The following LRP1 variants were observed in gnomAD, a reference collection of about 807,000 sequenced individuals.
The protein encoded by LRP1 is prolow-density lipoprotein receptor-related protein 1.
A neutral mutation model predicts 541.5 loss-of-function variants in LRP1; 51 were observed. The ratio of observed to expected loss-of-function variants is 0.09; its 90% CI spans 0.08 to 0.12. LRP1 has a LOEUF of 0.12. Ranked by LOEUF, LRP1 falls within the 10% of genes least tolerant of loss-of-function variation. The pLI is 1.00. For synonymous variants in LRP1, 2,219 were observed against 2,470.8 expected, an observed-to-expected ratio of 0.90 and a Z score of 3.02; for missense variants, 3,878 against 6,376.2, an observed-to-expected ratio of 0.61 and a Z score of 13.34.
chr12:57,211,593 G>GT lies in LRP1; in HGVS notation c.13193+7dup. ...CAAAATGATGCCTGAGTGCCAGTGA[G>GT]TTGGGCCCGGGCTTCACCCAGGCAT... On this transcript the variant is annotated splice_donor_region_variant and intron_variant, in intron 85 of 88. Coordinates refer to ENST00000243077, the MANE Select transcript of LRP1 (RefSeq NM_002332.3). This position sits in a 1 kb window ranked among gnomAD's most constrained non-coding sequence, Gnocchi z 4.3. 1 of 1,613,914 alleles carries GT rather than the reference G, an allele frequency of 6.2e-7. No individual in the cohort carries two copies. Among genetic ancestry groups the GT allele is most frequent in the Non-Finnish European group, 8.5e-7 (1 of 1,179,852 alleles).
At chr12:57,210,938 C>A (rs879567120) in intron 83 of LRP1, 59 bp downstream of exon 83, 70 of 1,563,958 alleles carry the variant, frequency 4.5e-5, no homozygotes, top group Non-Finnish European at 5.7e-5. Context: ...GACCCCAGAG[C>A]ATGGGGTGAT....
chr12:57,187,374 C>T lies in LRP1; in HGVS notation c.6949C>T (p.Pro2317Ser). 1.1e-5 allele frequency: 17 copies of T among 1,614,206 alleles called. No individual in the cohort carries two copies. Among genetic ancestry groups the T allele is most frequent in the Non-Finnish European group, 1.4e-5 (17 of 1,180,036 alleles). ...GCGCCACACAGTGGACCAGACCCGC[C>T]CAGGGGCCTTCGAGCGTGAGACCGT... Reference protein sequence around the residue: ...ITRHTVDQTRPGAFERETVIT... With the variant: ...ITRHTVDQTRSGAFERETVIT... Residue 2317 changes from proline to serine, a missense_variant, in exon 42 of 89, where the codon CCA becomes TCA. Pro to Ser is a moderately conservative substitution (Grantham distance 74). Transcript: ENST00000243077.
rs2035766029 is a variant in LRP1 at position 57,162,923 on chromosome 12, A to G, written c.2470A>G (p.Ser824Gly). Residue 824 changes from serine (S) to glycine (G), a missense_variant, in exon 15 of 89, where the codon AGC (serine) becomes GGC (glycine). Ser to Gly is a moderately conservative substitution (Grantham distance 56). This residue lies in a region of LRP1 where 496 missense variants were observed against 861.0 expected (regional missense o/e 0.58). Coordinates refer to ENST00000243077, the MANE Select transcript of LRP1 (RefSeq NM_002332.3). The surrounding 1 kb of genome is among the most constrained non-coding windows in gnomAD (Gnocchi z 5.2). ...CAGCCTGTGCTTGGCCACCCCTGGG[A>G]GCCGCCAGTGCGCCTGTGCTGAGGA... Reference protein sequence around the residue: ...CSSLCLATPGSRQCACAEDQV... With the variant: ...CSSLCLATPGGRQCACAEDQV... 1 of 1,609,082 alleles carries G rather than the reference A, an allele frequency of 6.2e-7. No homozygotes were observed. The highest frequency in any genetic ancestry group is 8.5e-7 in the Non-Finnish European group (1 of 1,178,958).
chr12:57,134,953 C>G (rs2136651070), intron 1 of LRP1, among the ~76,000 whole-genome samples: 1 of 152,330 alleles, frequency 6.6e-6, no homozygotes, highest in Admixed American at 6.5e-5. Flanking sequence ...GATCTGCCTG[C>G]TTCGGCCTCC....
chr12:57,148,912 T>C, intron 6 of LRP1: 1 of 556,788 alleles, frequency 1.8e-6, no homozygotes, highest in East Asian at 3.2e-5. Context: ...GCGAAATGGG[T>C]CCCAGGTCCA....
intron 6 of LRP1, chr12:57,149,643 G>A (rs776720380): frequency 2.8e-6 from 2 of 716,460 alleles, no homozygotes; most frequent in Non-Finnish European, 2.5e-6. Context: ...CCAGGCAGGG[G>A]AAGGTAGCAG....
intron 44 of LRP1, 98 bp downstream of exon 44, chr12:57,191,610 C>A: frequency 9.7e-7 from 1 of 1,026,522 alleles, no homozygotes; most frequent in Non-Finnish European, 1.4e-6. Context: ...CCACACGCAC[C>A]CTACACATAC....
In LRP1 at chr12:57,212,724, G is replaced by C; in HGVS notation, c.*169G>C. ...GCGAGCAAGCCGGCAAGCGAGCACA[G>C]TATTATTTCTCCATCCCCTCCCTGC... On this transcript the variant is annotated 3_prime_UTR_variant, in exon 89 of 89. Coordinates refer to ENST00000243077, the MANE Select transcript of LRP1 (RefSeq NM_002332.3). This position sits in a 1 kb window ranked among gnomAD's most constrained non-coding sequence, Gnocchi z 5.0. 4.2e-6 allele frequency: 3 copies of C among 721,682 alleles called. No homozygotes were observed. The South Asian group carries it at 6.0e-5, about 14-fold the overall frequency. 44.7% of individuals were successfully genotyped at this position (721,682 alleles called of 1,614,324 possible). A position where few individuals can be genotyped will look rare whatever the true frequency, so the allele number is the denominator to read the frequency against.
At chr12:57,149,846 C>T (rs941180782) in intron 6 of LRP1, 8 of 683,358 alleles carry the variant, frequency 1.2e-5, no homozygotes, top group Non-Finnish European at 1.9e-5. Context: ...GTCTCCTTCC[C>T]ACCTTCGAAG....
intron 44 of LRP1, among the ~76,000 whole-genome samples, chr12:57,192,044 ACACACACCACACAGCACACACACACAC>A (rs2036421017): frequency 6.8e-6 from 1 of 146,414 alleles, no homozygotes; most frequent in African/African-American, 2.5e-5. Flanking sequence ...CACACATCAC[ACACACACCACACAGCACACACACACAC>A]CACACACCAC....
chr12:57,205,346 C>A lies in LRP1; in HGVS notation c.11336-5C>A. The A allele has an allele frequency of 1.2e-6, 2 of 1,601,394 alleles. No individual in the cohort carries two copies. Among genetic ancestry groups the A allele is most frequent in the South Asian group, 1.1e-5 (1 of 89,912 alleles). On this transcript the variant is annotated splice_region_variant and splice_polypyrimidine_tract_variant and intron_variant, in intron 73 of 88. Transcript: ENST00000243077. The surrounding 1 kb of genome is among the most constrained non-coding windows in gnomAD (Gnocchi z 4.6). ...GGGAGGGCATCCACTCTCTGTCCCCCACAGACCCCAAGCTGACCAGCTGCG... is the reference window on the plus strand; with the variant it reads ...GGGAGGGCATCCACTCTCTGTCCCCAACAGACCCCAAGCTGACCAGCTGCG...
rs2036690406 is a variant in LRP1 at position 57,203,100 on chromosome 12, T to C, written c.10712-81T>C. On this transcript the variant is annotated intron_variant, in intron 68 of 88. Transcript: ENST00000243077. ...CCTTCAGAGACACGGGGATGGGCCT[T>C]GGGCTCGGGACTGTGGCACTACTGA... 7 of 1,049,008 alleles carry C rather than the reference T, an allele frequency of 6.7e-6. No homozygotes were observed. In the Admixed American group the frequency reaches 1.8e-4, roughly 27 times the overall value. The allele number at this position is 1,049,008 out of a possible 1,614,324, so 65.0% of individuals were successfully genotyped here.
chr12:57,166,711 C>G (rs1377546225), intron 17 of LRP1, among the ~76,000 whole-genome samples: 1 of 152,120 alleles, frequency 6.6e-6, no homozygotes, highest in Non-Finnish European at 1.5e-5. Context: ...AGAGGAGGAA[C>G]AAGGCAGGGT....
At position 57,143,742 on chromosome 12, in the gene LRP1, C is replaced by T; in HGVS notation, c.392C>T (p.Pro131Leu). Residue 131 changes from proline to leucine, a missense_variant, in exon 4 of 89, where the codon CCC becomes CTC. Physicochemically the swap from Pro to Leu is moderately conservative, Grantham distance 98 (BLOSUM62 -3). Transcript: ENST00000243077. Reference sequence around the variant, plus strand: ...CATTGTGTCCCCACACTCGATGGGCCCACCTGCTACTGCAACAGCAGCTTT... The same window carrying T: ...CATTGTGTCCCCACACTCGATGGGCTCACCTGCTACTGCAACAGCAGCTTT... ...QHHCVPTLDG[P>L]TCYCNSSFQL... The T allele has an allele frequency of 6.2e-7, 1 of 1,614,162 alleles. No individual in the cohort carries two copies. Among genetic ancestry groups the T allele is most frequent in the South Asian group, 1.1e-5 (1 of 91,080 alleles).
In LRP1 at chr12:57,189,979, C is replaced by G. The variant is rs529340966; in HGVS notation, c.7032-826C>G. On this transcript the variant is annotated intron_variant, in intron 42 of 88. Coordinates refer to ENST00000243077, the MANE Select transcript of LRP1 (RefSeq NM_002332.3). This position sits in a 1 kb window ranked among gnomAD's most constrained non-coding sequence, Gnocchi z 4.4. ...CAGCCCTGAGGCCTTCCACAGCCCC[C>G]CTCCAGCCTCAGCACCACCCCACAA... is the stretch of plus-strand genomic sequence containing the variant. Among the ~76,000 whole-genome samples the G allele has an allele frequency of 1.3e-5, 2 of 152,290 alleles. No individual in the cohort carries two copies. The highest frequency in any genetic ancestry group is 4.1e-4 in the South Asian group (2 of 4,822).
Position 57,185,571 on chromosome 12 carries a change from G to T in LRP1, c.6504G>T (p.Gln2168His). 2 of 1,596,254 alleles carry T rather than the reference G, an allele frequency of 1.3e-6. No individual in the cohort carries two copies. Among genetic ancestry groups the T allele is most frequent in the Non-Finnish European group, 1.7e-6 (2 of 1,171,448 alleles). Reference protein sequence around the residue: ...VCAVANGGCQQLCLYRGRGQR... With the variant: ...VCAVANGGCQHLCLYRGRGQR... ...CGGTGGCCAATGGCGGGTGCCAGCA[G>T]CTGTGCCTGTACCGGGGCCGTGGGC... Residue 2168 changes from glutamine to histidine, a missense_variant, in exon 41 of 89, where the codon CAG becomes CAT. Gln to His is a conservative substitution (Grantham distance 24). Around this residue, in one of 13 missense-constraint regions of LRP1, gnomAD observed 1,100 missense variants for 1,827.4 expected, o/e 0.60. Transcript: ENST00000243077. The surrounding 1 kb of genome is among the most constrained non-coding windows in gnomAD (Gnocchi z 4.9).
chr12:57,176,057 C>G lies in LRP1; in HGVS notation c.3942C>G (p.Thr1314=). The change falls in exon 24 of 89, where the codon ACC becomes ACG. Residue 1314 remains threonine (T), a synonymous_variant. Coordinates refer to ENST00000243077, the MANE Select transcript of LRP1 (RefSeq NM_002332.3). ...TCAGCCAGAGCGCCCTCTACTGGAC[C>G]GACGTGGTGGAGGACAAGATCTACC... The part of the protein sequence containing the change: ...FHLSQSALYW[T]DVVEDKIYRG... The G allele has an allele frequency of 6.2e-7, 1 of 1,614,214 alleles. No homozygotes were observed. Among genetic ancestry groups the G allele is most frequent in the Non-Finnish European group, 8.5e-7 (1 of 1,180,038 alleles).
rs746174479 is a variant in LRP1 at position 57,167,490 on chromosome 12, C to T, written c.2961C>T (p.Gly987=). The change falls in exon 19 of 89, where the codon GGC becomes GGT. Residue 987 remains glycine, a synonymous_variant. Transcript: ENST00000243077. ...TGACTCAGTTTACCTGCAACAATGG[C>T]AGATGTATCAACATCAACTGGAGAT... ...FPLTQFTCNN[G]RCININWRCD... 1.2e-6 allele frequency: 2 copies of T among 1,614,166 alleles called. No homozygotes were observed. The highest frequency in any genetic ancestry group is 1.1e-5 in the South Asian group (1 of 91,086).
In LRP1 at chr12:57,195,742, G is replaced by A. The variant is rs765659688; in HGVS notation, c.8522G>A (p.Arg2841His). 27 of 1,614,102 alleles carry A rather than the reference G, an allele frequency of 1.7e-5. No homozygotes were observed. The highest frequency in any genetic ancestry group is 8.0e-5 in the African/African-American group (6 of 74,942). ...IPKHFVCDHD[R>H]DCADGSDESP... ...AAGCACTTCGTGTGTGACCACGACC[G>A]TGACTGTGCAGATGGCTCTGATGAG... The change falls in exon 53 of 89, where the codon CGT (arginine) becomes CAT (histidine). Residue 2841 changes from arginine (R) to histidine (H), a missense_variant. Arg to His is a conservative substitution (Grantham distance 29). Transcript: ENST00000243077.
Sources: allele counts gnomAD v4.1 joint callset (sites outside exome capture counted in the v4.1 genomes callset), GRCh38; gene constraint gnomAD v4.1.1; regional missense constraint gnomAD v4.1.1; non-coding constraint Gnocchi (gnomAD v3.1); transcripts MANE v1.5; gene names NCBI Gene and HGNC (gene_info 2026-07-23, HGNC 2026-07-21).